ACTN4: variants seen among roughly 807,000 people sequenced by gnomAD.
ACTN4 encodes the protein alpha-actinin-4.
A neutral mutation model predicts 114.2 loss-of-function variants in ACTN4; 18 were observed. The ratio of observed to expected loss-of-function variants is 0.16; its 90% CI spans 0.11 to 0.23. ACTN4 has a LOEUF of 0.23. Among genes scored for constraint, ACTN4 ranks in the 10% least tolerant of loss-of-function variants. The probability of loss-of-function intolerance (pLI) is 1.00; values close to 1 mark genes in which losing one functional copy is unlikely to be tolerated. For missense variants in ACTN4, 722 were observed against 1,262.9 expected, an observed-to-expected ratio of 0.57 and a Z score of 6.49; for synonymous variants, 515 against 506.3, an observed-to-expected ratio of 1.02 and a Z score of -0.23.
intron 19 of ACTN4, 46 bp from the exon 20 acceptor site, chr19:38,728,950 G>A: frequency 1.2e-6 from 2 of 1,610,504 alleles, no homozygotes; most frequent in Middle Eastern, 2.1e-4. Context: ...GGCTGCCCCT[G>A]CCCCACTAAA....
intron 1 of ACTN4, among the ~76,000 whole-genome samples, chr19:38,696,287 A>G (rs906669996): frequency 2.0e-5 from 3 of 150,968 alleles, no homozygotes; most frequent in Admixed American, 1.3e-4. Context: ...CCCTCTGCTG[A>G]CCCCCAGCAT....
chr19:38,699,782 A>T (rs1968208264), intron 1 of ACTN4, among the ~76,000 whole-genome samples: 1 of 151,278 alleles, frequency 6.6e-6, no homozygotes, highest in Non-Finnish European at 1.5e-5. Flanking sequence ...AAAAAAGAAT[A>T]GGAAGGATAG....
At chr19:38,718,285 G>A in intron 11 of ACTN4, 3 of 831,098 alleles carry the variant, frequency 3.6e-6, no homozygotes, top group Non-Finnish European at 5.9e-6. Context: ...CCAGCACTTT[G>A]GCAGGCCAAG....
chr19:38,710,965 C>T (rs1191767023), intron 8 of ACTN4: 1 of 166,600 alleles, frequency 6.0e-6, no homozygotes, highest in Non-Finnish European at 1.3e-5. Context: ...TAGGGTCTTA[C>T]TCCGTGGTGG....
Position 38,700,998 on chromosome 19 carries a change from T to C in ACTN4, c.278-4T>C. 6.2e-7 allele frequency: 1 copy of C among 1,613,832 alleles called. No individual in the cohort carries two copies. The highest frequency in any genetic ancestry group is 8.5e-7 in the Non-Finnish European group (1 of 1,179,992). ...CCCCTCTTTTCTCTTTGTGCACTTC[T>C]CAGGGGAGCGGTTACCTAAGCCGGA... On this transcript the variant is annotated splice_region_variant and splice_polypyrimidine_tract_variant and intron_variant, in intron 2 of 20. Transcript: ENST00000252699.
intron 3 of ACTN4, among the ~76,000 whole-genome samples, chr19:38,702,102 C>T (rs1338715458): frequency 6.6e-6 from 1 of 152,238 alleles, no homozygotes; most frequent in Non-Finnish European, 1.5e-5. Context: ...ATGGGTCTTT[C>T]CTCCAGGCTC....
At position 38,724,596 on chromosome 19, in the gene ACTN4, G is replaced by A; in HGVS notation, c.2010+31G>A. On this transcript the variant is annotated intron_variant, in intron 16 of 20. Transcript: ENST00000252699. This position sits in a 1 kb window ranked among gnomAD's most constrained non-coding sequence, Gnocchi z 7.0. ...GCACGGCTGAGCCCCACAGAGCTGA[G>A]AAGGTTCCAAGAGAGCTCCCGTAGT... The A allele has an allele frequency of 1.2e-6, 2 of 1,612,654 alleles. No individual in the cohort carries two copies. The highest frequency in any genetic ancestry group is 1.7e-6 in the Non-Finnish European group (2 of 1,179,856).
intron 1 of ACTN4, among the ~76,000 whole-genome samples, chr19:38,680,850 G>A (rs1290266112): frequency 6.6e-6 from 1 of 152,088 alleles, no homozygotes; most frequent in Non-Finnish European, 1.5e-5. Context: ...TCTTGGCCGG[G>A]TGCGGTGGCT....
chr19:38,660,875 G>A (rs1196544220), intron 1 of ACTN4, among the ~76,000 whole-genome samples: 3 of 152,216 alleles, frequency 2.0e-5, no homozygotes, highest in Admixed American at 1.3e-4. Flanking sequence ...GATTGGGAAT[G>A]GCTTTGCGAG....
chr19:38,660,947 A>G (rs1976866126), intron 1 of ACTN4, among the ~76,000 whole-genome samples: 1 of 152,138 alleles, frequency 6.6e-6, no homozygotes, highest in Admixed American at 6.6e-5. Flanking sequence ...GGTCTCAAAG[A>G]GGTGGCATTT....
intron 11 of ACTN4, 104 bp downstream of exon 11, chr19:38,718,178 G>T: frequency 6.5e-7 from 1 of 1,537,658 alleles, no homozygotes; most frequent in Non-Finnish European, 8.8e-7. Context: ...GCCACGTTGG[G>T]TCTGTTTCTC....
At position 38,724,121 on chromosome 19, in the gene ACTN4, G is replaced by C; in HGVS notation, c.1693-36G>C. 1 of 1,613,574 alleles carries C rather than the reference G, an allele frequency of 6.2e-7. No individual in the cohort carries two copies. The highest frequency in any genetic ancestry group is 8.5e-7 in the Non-Finnish European group (1 of 1,179,998). ...CCCATCTTCCCAAGAGCCTCTGTGG[G>C]GCTGGGCCGCCCCCTCACTCCAGCT... On this transcript the variant is annotated intron_variant, in intron 14 of 20. Transcript: ENST00000252699. The surrounding 1 kb of genome is among the most constrained non-coding windows in gnomAD (Gnocchi z 7.0).
rs1487197575 is a variant in ACTN4, at chr19:38,729,691, T to TA, written c.*259_*260insA. The TA allele has an allele frequency of 1.5e-6, 1 of 669,760 alleles. No homozygotes were observed. Among genetic ancestry groups the TA allele is most frequent in the Non-Finnish European group, 2.7e-6 (1 of 367,314 alleles). The allele number at this position is 669,760 out of a possible 1,614,324, so 41.5% of individuals were successfully genotyped here. On this transcript the variant is annotated 3_prime_UTR_variant, in exon 21 of 21. Coordinates refer to ENST00000252699, the MANE Select transcript of ACTN4 (RefSeq NM_004924.6). ...AAATATGTATGATGTGTTGTGCTTT[T>TA]TTAACCAAGGAGGGGCCAGTGGATT...
chr19:38,705,145 C>T, intron 4 of ACTN4, 125 bp downstream of exon 4: 1 of 923,694 alleles, frequency 1.1e-6, no homozygotes, highest in Non-Finnish European at 1.7e-6. Flanking sequence ...AGGGCCTGGC[C>T]CTTGCAGGGG....
At chr19:38,714,238 C>T (rs1446963206) in intron 8 of ACTN4, among the ~76,000 whole-genome samples, 2 of 152,222 alleles carry the variant, frequency 1.3e-5, no homozygotes, top group East Asian at 3.8e-4. Context: ...CAACCCTCCT[C>T]GGTGCCTCCA....
chr19:38,692,163 A>G (rs190208666), intron 1 of ACTN4, among the ~76,000 whole-genome samples: 98 of 152,360 alleles, frequency 6.4e-4, no homozygotes, highest in African/African-American at 2.0e-3. Context: ...TCAGGCCAGG[A>G]CATAAGACGC....
At chr19:38,723,869 C>T (rs1178119337) in intron 13 of ACTN4, 68 bp from the exon 14 acceptor site, 3 of 1,571,824 alleles carry the variant, frequency 1.9e-6, no homozygotes, top group Non-Finnish European at 2.6e-6. Flanking sequence ...GGACCCCTCC[C>T]CACCCCTCCT....
intron 11 of ACTN4, chr19:38,718,338 G>A: frequency 3.2e-6 from 2 of 630,876 alleles, no homozygotes; most frequent in South Asian, 1.6e-5. Flanking sequence ...ACCAGCCTGG[G>A]CAACATAGCG....
rs200829552 is a variant in ACTN4, at chr19:38,724,066, G to A, written c.1681G>A (p.Glu561Lys). The change falls in exon 14 of 21, where the codon GAG becomes AAG. Residue 561 changes from glutamate to lysine, a missense_variant. Physicochemically the swap from Glu to Lys is moderately conservative, Grantham distance 56. Coordinates refer to ENST00000252699, the MANE Select transcript of ACTN4 (RefSeq NM_004924.6). The surrounding 1 kb of genome is among the most constrained non-coding windows in gnomAD (Gnocchi z 7.0). The stretch of plus-strand genomic sequence containing the variant: ...GGACATGTTCATCGTCCATACCATC[G>A]AGGAGATTGAGGTTCGCACCCCCCG... Reference protein sequence around the residue: ...LQDMFIVHTIEEIEGLISAHD... With the variant: ...LQDMFIVHTIKEIEGLISAHD... The A allele has an allele frequency of 1.3e-5, 21 of 1,613,674 alleles. No individual in the cohort carries two copies. Among genetic ancestry groups the A allele is most frequent in the East Asian group, 2.2e-5 (1 of 44,878 alleles).
Sources: allele counts gnomAD v4.1 joint callset (sites outside exome capture counted in the v4.1 genomes callset), GRCh38; gene constraint gnomAD v4.1.1; non-coding constraint Gnocchi (gnomAD v3.1); transcripts MANE v1.5; gene names NCBI Gene and HGNC (gene_info 2026-07-23, HGNC 2026-07-21).